Variants in UTRN observed in about 807,000 individuals in gnomAD.
The protein encoded by UTRN is utrophin.
A neutral mutation model predicts 463.9 loss-of-function variants in UTRN; 283 were observed. That is an observed-to-expected ratio of 0.61 (90% CI 0.55 to 0.67). The LOEUF (loss-of-function observed/expected upper bound fraction) is 0.67. Among genes scored for constraint, UTRN ranks in the 30% least tolerant of loss-of-function variants. The probability of loss-of-function intolerance (pLI) is 0.00; values close to 1 mark genes in which losing one functional copy is unlikely to be tolerated. For missense variants in UTRN, 3,922 were observed against 4,084.3 expected (o/e 0.96, Z 1.08); for synonymous variants, 1,442 against 1,431.5 (o/e 1.01, Z -0.17).
At chr6:144,752,565 A>G (rs1415812519) in intron 56 of UTRN, among the ~76,000 whole-genome samples, 8 of 152,180 alleles carry the variant, frequency 5.3e-5, no homozygotes, top group African/African-American at 1.7e-4. Flanking sequence ...AAAGCACTCA[A>G]TGGTTCATAT....
Position 144,493,336 on chromosome 6 carries a change from A to G in UTRN, c.4473A>G (p.Glu1491=), listed in dbSNP as rs1793244679. The change falls in exon 33 of 75, where the codon GAA becomes GAG. Residue 1491 remains glutamate (E), a synonymous_variant. Coordinates refer to ENST00000367545, the MANE Select transcript of UTRN (RefSeq NM_007124.3). ...AAACTTTGAGTGAAGTCAAACTTGA[A>G]GTGGAAACTGTGATTAAAACAGGAA... is the stretch of plus-strand genomic sequence containing the variant. The part of the protein sequence containing the change: ...LYKTLSEVKL[E]VETVIKTGRH... 6.2e-7 allele frequency: 1 copy of G among 1,614,180 alleles called. No individual in the cohort carries two copies. The highest frequency in any genetic ancestry group is 1.3e-5 in the African/African-American group (1 of 75,046).
intron 2 of UTRN, among the ~76,000 whole-genome samples, chr6:144,389,425 T>C (rs937412967): frequency 6.6e-6 from 1 of 152,206 alleles, no homozygotes; most frequent in African/African-American, 2.4e-5. Flanking sequence ...TACCTGAGTA[T>C]GCTGCTAATC....
intron 65 of UTRN, among the ~76,000 whole-genome samples, chr6:144,820,091 T>C (rs960611104): frequency 2.9e-5 from 4 of 140,316 alleles, no homozygotes; most frequent in African/African-American, 1.1e-4. Flanking sequence ...GTATTGTAAA[T>C]AGAAACTAGA....
intron 30 of UTRN, 146 bp from the exon 31 acceptor site, chr6:144,489,925 A>T: frequency 8.1e-7 from 1 of 1,236,712 alleles, no homozygotes; most frequent in Non-Finnish European, 1.1e-6. Context: ...TGGCCTACAA[A>T]AACTTATTAA....
chr6:144,717,107 C>T (rs1786549402), intron 53 of UTRN, among the ~76,000 whole-genome samples: 1 of 152,154 alleles, frequency 6.6e-6, no homozygotes, highest in South Asian at 2.1e-4. Flanking sequence ...TTTTTTGCCT[C>T]CAGCAATGTG....
At chr6:144,713,908 GA>G (rs1184197792) in intron 53 of UTRN, among the ~76,000 whole-genome samples, 1 of 129,518 alleles carries the variant, frequency 7.7e-6, no homozygotes, top group Admixed American at 9.1e-5. Flanking sequence ...AAACAAGAGT[GA>G]AACTCTGTCT....
intron 56 of UTRN, among the ~76,000 whole-genome samples, chr6:144,752,994 A>G (rs958288478): frequency 1.3e-5 from 2 of 152,226 alleles, no homozygotes; most frequent in African/African-American, 4.8e-5. Context: ...GTTGAATTGC[A>G]GGAGTAATAT....
chr6:144,298,346 CA>C lies in UTRN; in HGVS notation c.79+6440del, dbSNP rs1804923570. 2.6e-5 allele frequency among the ~76,000 whole-genome samples: 4 copies of C among 152,188 alleles called. No homozygotes were observed. In the South Asian group the frequency reaches 8.3e-4, roughly 31 times the overall value. ...TACTTCCTGTGACACTGGATTTGCA[CA>C]TGTCAATTCCAGGAAGCAGGTAGTT... is the stretch of plus-strand genomic sequence containing the variant. On this transcript the variant is annotated intron_variant, in intron 2 of 74. Coordinates refer to ENST00000367545, the MANE Select transcript of UTRN (RefSeq NM_007124.3).
intron 2 of UTRN, among the ~76,000 whole-genome samples, chr6:144,348,258 T>C (rs558708382): frequency 6.6e-5 from 10 of 152,272 alleles, no homozygotes; most frequent in African/African-American, 2.2e-4. Flanking sequence ...CGCCCAGCTC[T>C]GGGGAGGTAT....
intron 69 of UTRN, among the ~76,000 whole-genome samples, chr6:144,834,302 T>A: frequency 6.6e-6 from 1 of 152,262 alleles, no homozygotes; most frequent in African/African-American, 2.4e-5. Flanking sequence ...CATACACACA[T>A]GTTCATATCT....
chr6:144,670,323 C>T (rs760405898), intron 51 of UTRN, among the ~76,000 whole-genome samples: 3 of 152,002 alleles, frequency 2.0e-5, no homozygotes, highest in Admixed American at 2.0e-4. Context: ...GCCATTCTTG[C>T]AGGAGTAAGG....
chr6:144,411,755 T>C (rs949401076), intron 3 of UTRN, among the ~76,000 whole-genome samples: 5 of 152,244 alleles, frequency 3.3e-5, no homozygotes, highest in African/African-American at 9.6e-5. Context: ...GCATACTCTG[T>C]GATGACCAGC....
intron 2 of UTRN, among the ~76,000 whole-genome samples, chr6:144,397,503 ATATACAGTTTTCAGG>A (rs1782547586): frequency 1.3e-5 from 2 of 152,142 alleles, no homozygotes; most frequent in Admixed American, 6.5e-5. Context: ...TTTTATGGGC[ATATACAGTTTTCAGG>A]ATTGAAAACT....
chr6:144,772,475 G>A (rs1329477865), intron 59 of UTRN, among the ~76,000 whole-genome samples: 1 of 152,188 alleles, frequency 6.6e-6, no homozygotes, highest in Non-Finnish European at 1.5e-5. Context: ...GGAGAATTGT[G>A]TGGTTTGAAA....
chr6:144,839,065 T>C, intron 71 of UTRN, 108 bp from the exon 72 acceptor site: 1 of 798,510 alleles, frequency 1.3e-6, no homozygotes. Flanking sequence ...CAAAGACTTC[T>C]ATATGATTTA....
chr6:144,706,965 A>G (rs562114669), intron 53 of UTRN: 20 of 152,184 alleles, frequency 1.3e-4, no homozygotes, highest in Non-Finnish European at 1.2e-4. Flanking sequence ...GGCTCCAAGT[A>G]TCTTGCAACA....
intron 25 of UTRN, 134 bp downstream of exon 25, chr6:144,474,893 C>A: frequency 1.0e-6 from 1 of 979,544 alleles, no homozygotes; most frequent in Non-Finnish European, 1.5e-6. Flanking sequence ...GGGTAGTGAG[C>A]TGGGGCCAAA....
intron 3 of UTRN, among the ~76,000 whole-genome samples, chr6:144,410,820 G>A (rs987863589): frequency 1.0e-4 from 14 of 134,830 alleles, no homozygotes; most frequent in South Asian, 4.4e-4. Context: ...GTGTGTGTGT[G>A]TATATACACA....
At chr6:144,638,493 A>G (rs1274121788) in intron 51 of UTRN, among the ~76,000 whole-genome samples, 1 of 152,316 alleles carries the variant, frequency 6.6e-6, no homozygotes, top group South Asian at 2.1e-4. Context: ...GTAGTAAATC[A>G]TTAGAATTTT....
Sources: gnomAD v4.1 joint callset for allele counts (sites outside exome capture counted in the v4.1 genomes callset) on GRCh38, gnomAD v4.1.1 for gene constraint, MANE v1.5 for transcripts, NCBI Gene and HGNC (gene_info 2026-07-23, HGNC 2026-07-21) for gene names.